The following KSR2 variants were observed in gnomAD, a reference collection of about 807,000 sequenced individuals.
KSR2 encodes the protein kinase suppressor of ras 2.
Under a neutral mutation model 107.8 loss-of-function variants are expected in KSR2, and 25 were observed. The observed-to-expected ratio is 0.23, with a 90% CI of 0.17 to 0.32. The LOEUF (loss-of-function observed/expected upper bound fraction) is 0.32, where lower values mean the gene tolerates loss of function less well. KSR2 is among the 10% of genes least tolerant of loss of function. The pLI is 1.00. For missense variants in KSR2, 887 were observed against 1,268.9 expected, an observed-to-expected ratio of 0.70 and a Z score of 4.57; for synonymous variants, 480 against 507.0, an observed-to-expected ratio of 0.95 and a Z score of 0.71.
At chr12:117,546,238 A>G (rs1013185928) in intron 9 of KSR2, among the ~76,000 whole-genome samples, 6 of 152,196 alleles carry the variant, frequency 3.9e-5, no homozygotes, top group Admixed American at 3.3e-4. Context: ...TTCACTATGC[A>G]TGGAATTCTG....
At chr12:117,565,638 A>G (rs1878438661) in intron 7 of KSR2, among the ~76,000 whole-genome samples, 1 of 152,166 alleles carries the variant, frequency 6.6e-6, no homozygotes, top group African/African-American at 2.4e-5. Context: ...TCCCTTTACC[A>G]TGTGAGATAA....
chr12:117,839,395 C>A (rs1892372559), intron 3 of KSR2, among the ~76,000 whole-genome samples: 1 of 152,164 alleles, frequency 6.6e-6, no homozygotes, highest in Non-Finnish European at 1.5e-5. Context: ...TGGTTGGGTA[C>A]CATGGTTCAC....
intron 1 of KSR2, among the ~76,000 whole-genome samples, chr12:117,899,913 C>T (rs149395004): frequency 5.9e-5 from 9 of 152,288 alleles, no homozygotes; most frequent in Admixed American, 1.3e-4. Context: ...GTATCTCCAC[C>T]GAACAGTGGT....
intron 3 of KSR2, among the ~76,000 whole-genome samples, chr12:117,840,244 T>G (rs1892412952): frequency 6.6e-6 from 1 of 152,038 alleles, no homozygotes; most frequent in Non-Finnish European, 1.5e-5. Flanking sequence ...ACTATAGGCG[T>G]GCACCACAAC....
chr12:117,859,821 T>C (rs1893228408), intron 2 of KSR2, among the ~76,000 whole-genome samples: 1 of 152,184 alleles, frequency 6.6e-6, no homozygotes, highest in Non-Finnish European at 1.5e-5. Flanking sequence ...GAGATGACAA[T>C]CATTATGCAC....
At chr12:117,548,562 A>C (rs1362795212) in intron 9 of KSR2, among the ~76,000 whole-genome samples, 1 of 152,134 alleles carries the variant, frequency 6.6e-6, no homozygotes, top group East Asian at 1.9e-4. Flanking sequence ...TCTGATCAAC[A>C]GTGGGCTATT....
chr12:117,656,922 G>A (rs1027817611), intron 5 of KSR2, among the ~76,000 whole-genome samples: 3 of 102,930 alleles, frequency 2.9e-5, no homozygotes, highest in African/African-American at 1.4e-4. Context: ...GTGTGTGTGT[G>A]TATACATATA....
chr12:117,924,572 C>CAAAAAAAAAAA (rs58789868), intron 1 of KSR2, among the ~76,000 whole-genome samples: 3 of 39,526 alleles, frequency 7.6e-5, no homozygotes, highest in Admixed American at 6.1e-4. Context: ...AGCTCCATCT[C>CAAAAAAAAAAA]AAAAAAAAAA....
At chr12:117,730,522 CTCA>C (rs1282051326) in intron 4 of KSR2, among the ~76,000 whole-genome samples, 8 of 151,850 alleles carry the variant, frequency 5.3e-5, no homozygotes, top group African/African-American at 1.7e-4. Context: ...CTCCCTCTCC[CTCA>C]TCTCCCCTTT....
intron 1 of KSR2, among the ~76,000 whole-genome samples, chr12:117,885,922 C>T (rs1033148608): frequency 3.3e-5 from 5 of 151,832 alleles, no homozygotes; most frequent in Non-Finnish European, 5.9e-5. Flanking sequence ...GGTGAAACCC[C>T]GTCTCTACTA....
chr12:117,469,473 C>T (rs1871312359), intron 19 of KSR2, among the ~76,000 whole-genome samples, 189 bp downstream of exon 19: 1 of 152,128 alleles, frequency 6.6e-6, no homozygotes, highest in Non-Finnish European at 1.5e-5. Context: ...ACAGGACAGA[C>T]TCCAGCACCC....
chr12:117,630,301 T>G (rs1882742385), intron 5 of KSR2, among the ~76,000 whole-genome samples: 1 of 152,082 alleles, frequency 6.6e-6, no homozygotes, highest in South Asian at 2.1e-4. Flanking sequence ...GCAAAAGCCC[T>G]GGGGTTGAAG....
intron 5 of KSR2, among the ~76,000 whole-genome samples, chr12:117,665,234 C>G (rs1349773138): frequency 6.6e-6 from 1 of 152,090 alleles, no homozygotes; most frequent in Non-Finnish European, 1.5e-5. Flanking sequence ...TGTCCACAGG[C>G]AAGCAGAAAC....
At chr12:117,760,932 G>C in intron 4 of KSR2, 79 bp downstream of exon 4, 1 of 1,566,478 alleles carries the variant, frequency 6.4e-7, no homozygotes, top group Non-Finnish European at 8.7e-7. Context: ...TCCTTGACCT[G>C]GGCAGTTCCT....
intron 6 of KSR2, among the ~76,000 whole-genome samples, chr12:117,580,652 T>C (rs985641287): frequency 1.1e-4 from 16 of 152,208 alleles, no homozygotes; most frequent in African/African-American, 3.9e-4. Context: ...AGGGAGAGAC[T>C]GAAGAGTAGC....
intron 1 of KSR2, among the ~76,000 whole-genome samples, chr12:117,950,142 T>C (rs1241199280): frequency 6.6e-6 from 1 of 151,920 alleles, no homozygotes; most frequent in Non-Finnish European, 1.5e-5. Context: ...GCCGGCTAAT[T>C]TTTTGTATTT....
chr12:117,666,177 A>T (rs536972374), intron 5 of KSR2, among the ~76,000 whole-genome samples: 2 of 152,290 alleles, frequency 1.3e-5, no homozygotes, highest in South Asian at 4.1e-4. Context: ...TCATCAGTCC[A>T]TACCCTCAGC....
chr12:117,627,025 C>CT (rs201042072), intron 5 of KSR2, among the ~76,000 whole-genome samples: 4,430 of 144,666 alleles, frequency 0.031, 110 homozygotes, highest in African/African-American at 0.072. Context: ...GCAACCCCTG[C>CT]TTTTTTTTTT....
At chr12:117,485,291 C>T (rs1011063672) in intron 15 of KSR2, among the ~76,000 whole-genome samples, 4 of 152,108 alleles carry the variant, frequency 2.6e-5, no homozygotes, top group African/African-American at 9.7e-5. Context: ...GATGGTGGAT[C>T]CTAACCAAGA....
Sources: gnomAD v4.1 joint callset for allele counts (sites outside exome capture counted in the v4.1 genomes callset) on GRCh38, gnomAD v4.1.1 for gene constraint, MANE v1.5 for transcripts, NCBI Gene and HGNC (gene_info 2026-07-23, HGNC 2026-07-21) for gene names.